Variants in RABIF observed in about 807,000 individuals in gnomAD.
RABIF encodes the protein guanine nucleotide exchange factor MSS4.
A neutral mutation model predicts 12.3 loss-of-function variants in RABIF; 13 were observed. The observed-to-expected ratio is 1.06, with a 90% CI of 0.69 to 1.68. The LOEUF (loss-of-function observed/expected upper bound fraction) is 1.68. Among genes scored for constraint, RABIF ranks in the 40% most tolerant of loss-of-function variants. RABIF has a pLI of 0.00. For missense variants in RABIF, 153 were observed against 158.0 expected (o/e 0.97, Z 0.17); for synonymous variants, 70 against 63.3 (o/e 1.11, Z -0.50).
intron 1 of RABIF, among the ~76,000 whole-genome samples, chr1:202,884,599 G>C (rs940040294): frequency 7.2e-5 from 11 of 152,148 alleles, no homozygotes; most frequent in Non-Finnish European, 1.5e-4. Flanking sequence ...GCCATGTGGA[G>C]ACCAGGCTGG....
At position 202,880,821 on chromosome 1, in the gene RABIF, G is replaced by A; in HGVS notation, c.*157C>T. On this transcript the variant is annotated 3_prime_UTR_variant, in exon 2 of 2. Coordinates refer to ENST00000367262, the MANE Select transcript of RABIF (RefSeq NM_002871.5). Reference sequence around the variant, plus strand: ...CATGTACTTGAGGCTTTAGGAAGCAGGATTAACCCTCTGCATGTTCAAATG... The same window carrying A: ...CATGTACTTGAGGCTTTAGGAAGCAAGATTAACCCTCTGCATGTTCAAATG... 4 of 1,450,096 alleles carry A rather than the reference G, an allele frequency of 2.8e-6. No homozygotes were observed. Among genetic ancestry groups the A allele is most frequent in the Admixed American group, 2.7e-5 (1 of 37,726 alleles). The allele number at this position is 1,450,096 out of a possible 1,614,324, so 89.8% of individuals were successfully genotyped here.
At chr1:202,888,408 G>A (rs1659596332) in intron 1 of RABIF, among the ~76,000 whole-genome samples, 1 of 152,220 alleles carries the variant, frequency 6.6e-6, no homozygotes, top group African/African-American at 2.4e-5. Flanking sequence ...GGTAAAGTGG[G>A]TAGGTTACCA....
At chr1:202,881,465 G>A (rs993462425) in intron 1 of RABIF, among the ~76,000 whole-genome samples, 23 of 151,710 alleles carry the variant, frequency 1.5e-4, no homozygotes, top group Admixed American at 1.3e-3. Context: ...GCAGTGGCGC[G>A]ATCTCAGCTC....
intron 1 of RABIF, among the ~76,000 whole-genome samples, chr1:202,882,386 A>AAAC (rs1041439069): frequency 1.3e-5 from 2 of 152,082 alleles, no homozygotes; most frequent in Non-Finnish European, 2.9e-5. Flanking sequence ...TCTGTCTCAA[A>AAAC]AACAACAACA....
At position 202,879,859 on chromosome 1, in the gene RABIF, C is replaced by T. The variant is rs1397725649; in HGVS notation, c.*1119G>A. The T allele has an allele frequency of 1.3e-5, 2 of 152,104 alleles. No homozygotes were observed. The highest frequency in any genetic ancestry group is 4.8e-5 in the African/African-American group (2 of 41,394). The allele number at this position is 152,104 out of a possible 1,614,324, so 9.4% of individuals were successfully genotyped here. On this transcript the variant is annotated 3_prime_UTR_variant, in exon 2 of 2. Coordinates refer to ENST00000367262, the MANE Select transcript of RABIF (RefSeq NM_002871.5). ...TGGTTATATAATAAACTTCCTTCTACGACAGTGAGTCATTTCAGAATAGAA... is the reference window on the plus strand; with the variant it reads ...TGGTTATATAATAAACTTCCTTCTATGACAGTGAGTCATTTCAGAATAGAA...
At position 202,879,880 on chromosome 1, in the gene RABIF, T is replaced by C. The variant is rs1031292938; in HGVS notation, c.*1098A>G. On this transcript the variant is annotated 3_prime_UTR_variant, in exon 2 of 2. Transcript: ENST00000367262. ...TCTACGACAGTGAGTCATTTCAGAA[T>C]AGAAATGATGGAATAATTGGAAATC... 6 of 152,180 alleles carry C rather than the reference T, an allele frequency of 3.9e-5. No homozygotes were observed. 9.4% of individuals were successfully genotyped at this position (152,180 alleles called of 1,614,324 possible).
At chr1:202,888,839 C>T in intron 1 of RABIF, 134 bp downstream of exon 1, 1 of 1,265,014 alleles carries the variant, frequency 7.9e-7, no homozygotes, top group Non-Finnish European at 1.0e-6. Context: ...GAGCTGAGGC[C>T]CGAGGGGCGG....
rs1571507206 is a variant in RABIF at position 202,889,133 on chromosome 1, G to C, written c.-35C>G. The C allele has an allele frequency of 6.3e-7, 1 of 1,581,866 alleles. No individual in the cohort carries two copies. The highest frequency in any genetic ancestry group is 8.6e-7 in the Non-Finnish European group (1 of 1,164,120). ...CGCCACAGGCTCCTCAGCCACGGCTGCGCAGACGCTGTCTCTGCTGGCTCG... is the reference window on the plus strand; with the variant it reads ...CGCCACAGGCTCCTCAGCCACGGCTCCGCAGACGCTGTCTCTGCTGGCTCG... On this transcript the variant is annotated 5_prime_UTR_variant, in exon 1 of 2. Transcript: ENST00000367262.
chr1:202,881,910 C>A (rs193090839), intron 1 of RABIF, among the ~76,000 whole-genome samples: 2 of 152,346 alleles, frequency 1.3e-5, no homozygotes, highest in East Asian at 3.9e-4. Flanking sequence ...TCAAACATAG[C>A]CTTCTCAGGA....
rs766566463 is a variant in RABIF at position 202,881,230 on chromosome 1, T to C, written c.127-7A>G. On this transcript the variant is annotated splice_region_variant and splice_polypyrimidine_tract_variant and intron_variant, in intron 1 of 1. Coordinates refer to ENST00000367262, the MANE Select transcript of RABIF (RefSeq NM_002871.5). Reference sequence around the variant, plus strand: ...TCATGGAGGGAAGGAAAAGCTGCAGTGGGAAAGAACATAAAGAACGCAGAA... The same window carrying C: ...TCATGGAGGGAAGGAAAAGCTGCAGCGGGAAAGAACATAAAGAACGCAGAA... 8 of 1,609,678 alleles carry C rather than the reference T, an allele frequency of 5.0e-6. No individual in the cohort carries two copies. In the East Asian group the frequency reaches 1.8e-4, roughly 36 times the overall value.
rs1659445966 is a variant in RABIF at position 202,878,722 on chromosome 1, T to C, written c.*2256A>G. On this transcript the variant is annotated 3_prime_UTR_variant, in exon 2 of 2. Transcript: ENST00000367262. Reference sequence around the variant, plus strand: ...CCCCAATAGAAAACGGAAGTTTCTATACTCGGAGCAGAAAGCACAGGTTGC... The same window carrying C: ...CCCCAATAGAAAACGGAAGTTTCTACACTCGGAGCAGAAAGCACAGGTTGC... Among the ~76,000 whole-genome samples the C allele has an allele frequency of 6.6e-6, 1 of 152,218 alleles. No homozygotes were observed. Among genetic ancestry groups the C allele is most frequent in the Non-Finnish European group, 1.5e-5 (1 of 68,030 alleles).
intron 1 of RABIF, 84 bp downstream of exon 1, chr1:202,888,889 T>C (rs967188855): frequency 3.5e-5 from 50 of 1,422,132 alleles, no homozygotes; most frequent in African/African-American, 2.7e-4. Context: ...TGCCGGAAAT[T>C]GAAGAGCCGG....
chr1:202,880,560 T>C lies in RABIF; in HGVS notation c.*418A>G, dbSNP rs1659473002. 1 of 408,766 alleles carries C rather than the reference T, an allele frequency of 2.4e-6. No homozygotes were observed. The highest frequency in any genetic ancestry group is 2.2e-5 in the African/African-American group (1 of 46,126). 25.3% of individuals were successfully genotyped at this position (408,766 alleles called of 1,614,324 possible). A position where few individuals can be genotyped will look rare whatever the true frequency, so the allele number is the denominator to read the frequency against. ...TCAGATATTTGTATGCCTTCTTGAA[T>C]GAGAAAAAGGCAGATTTCAACTATT... On this transcript the variant is annotated 3_prime_UTR_variant, in exon 2 of 2. Coordinates refer to ENST00000367262, the MANE Select transcript of RABIF (RefSeq NM_002871.5).
At position 202,879,539 on chromosome 1, in the gene RABIF, G is replaced by C. The variant is rs945282274; in HGVS notation, c.*1439C>G. ...TTTTTCTGCACATGCCATAACGATG[G>C]ACATGTGACCGTTTGTCGGAAAAAC... On this transcript the variant is annotated 3_prime_UTR_variant, in exon 2 of 2. Coordinates refer to ENST00000367262, the MANE Select transcript of RABIF (RefSeq NM_002871.5). The C allele has an allele frequency of 6.6e-6, 1 of 152,198 alleles. No individual in the cohort carries two copies. The highest frequency in any genetic ancestry group is 1.5e-5 in the Non-Finnish European group (1 of 68,050). 9.4% of individuals were successfully genotyped at this position (152,198 alleles called of 1,614,324 possible). A position where few individuals can be genotyped will look rare whatever the true frequency, so the allele number is the denominator to read the frequency against.
intron 1 of RABIF, among the ~76,000 whole-genome samples, chr1:202,886,533 CCGAGAT>C (rs1378230640): frequency 2.0e-5 from 3 of 151,952 alleles, no homozygotes; most frequent in Non-Finnish European, 4.4e-5. Flanking sequence ...TTGCAGTGAG[CCGAGAT>C]CATGCCACAC....
intron 1 of RABIF, among the ~76,000 whole-genome samples, chr1:202,883,201 G>T (rs563525573): frequency 1.8e-3 from 267 of 151,952 alleles, no homozygotes; most frequent in African/African-American, 6.1e-3. Flanking sequence ...ATACTTTTTT[G>T]TTTTTTTGTA....
In RABIF at chr1:202,888,998, C is replaced by A; in HGVS notation, c.101G>T (p.Gly34Val). 6.3e-7 allele frequency: 1 copy of A among 1,588,452 alleles called. No homozygotes were observed. The highest frequency in any genetic ancestry group is 1.8e-5 in the Admixed American group (1 of 55,052). Residue 34 changes from glycine to valine, a missense_variant, in exon 1 of 2, where the codon GGG becomes GTG. Around this residue, in one of 2 missense-constraint regions of RABIF, gnomAD observed 113 missense variants for 90.9 expected, o/e 1.24. Transcript: ENST00000367262. ...QRCGSRVLQPGTALFSRRQLF... is the reference protein window; with the variant it reads ...QRCGSRVLQPVTALFSRRQLF... ...CTGTCGGCGAGAGAAGAGAGCGGTC[C>A]CTGGCTGCAGCACCCGGGAGCCGCA... is the stretch of plus-strand genomic sequence containing the variant.
chr1:202,884,706 CCTTT>C (rs1366306783), intron 1 of RABIF, among the ~76,000 whole-genome samples: 12 of 152,110 alleles, frequency 7.9e-5, no homozygotes, highest in African/African-American at 2.9e-4. Context: ...GACGGAATGA[CCTTT>C]CTGATTGCCA....
intron 1 of RABIF, among the ~76,000 whole-genome samples, chr1:202,884,346 C>T (rs6427975): frequency 0.95 from 144,044 of 152,204 alleles, 68,729 homozygotes; most frequent in East Asian, 1. Context: ...TTTTCGTAAT[C>T]TTTTTCCCTT....
Sources: allele counts gnomAD v4.1 joint callset (sites outside exome capture counted in the v4.1 genomes callset), GRCh38; gene constraint gnomAD v4.1.1; regional missense constraint gnomAD v4.1.1; transcripts MANE v1.5; gene names NCBI Gene and HGNC (gene_info 2026-07-23, HGNC 2026-07-21).